Variants in NLGN1 observed in about 807,000 individuals in gnomAD.
The protein encoded by NLGN1 is neuroligin-1.
NLGN1 carries 12 observed loss-of-function variants against 65.5 expected under a neutral mutation model. The observed-to-expected ratio is 0.18, with a 90% CI of 0.12 to 0.30. NLGN1 has a LOEUF of 0.30. Among genes scored for constraint, NLGN1 ranks in the 10% least tolerant of loss-of-function variants. NLGN1 has a pLI of 1.00. For synonymous variants in NLGN1, 350 were observed against 359.5 expected, an observed-to-expected ratio of 0.97 and a Z score of 0.30; for missense variants, 750 against 1,007.1, an observed-to-expected ratio of 0.74 and a Z score of 3.46.
intron 4 of NLGN1, among the ~76,000 whole-genome samples, chr3:174,203,352 C>T (rs1436535369): frequency 1.3e-5 from 2 of 152,216 alleles, no homozygotes; most frequent in Non-Finnish European, 2.9e-5. Context: ...TATTCGTGCA[C>T]AGAGGAAGTA....
intron 4 of NLGN1, among the ~76,000 whole-genome samples, chr3:174,076,041 T>C (rs1221949448): frequency 6.6e-6 from 1 of 152,170 alleles, no homozygotes; most frequent in Non-Finnish European, 1.5e-5. Flanking sequence ...TAGCTCATAA[T>C]TGTAAAACCA....
chr3:174,081,400 G>A (rs960391343), intron 4 of NLGN1, among the ~76,000 whole-genome samples: 1 of 152,028 alleles, frequency 6.6e-6, no homozygotes, highest in African/African-American at 2.4e-5. Context: ...CGAAAATATG[G>A]TGTCTGCTGA....
intron 4 of NLGN1, among the ~76,000 whole-genome samples, chr3:174,183,182 C>A (rs544472992): frequency 6.6e-6 from 1 of 152,114 alleles, no homozygotes; most frequent in Non-Finnish European, 1.5e-5. Context: ...TACTAGGCAA[C>A]AGTGCATCCA....
At chr3:173,476,685 G>A (rs1013979666) in intron 2 of NLGN1, among the ~76,000 whole-genome samples, 40 of 152,278 alleles carry the variant, frequency 2.6e-4, no homozygotes, top group Middle Eastern at 3.4e-3. Context: ...AAGTGAAGTG[G>A]CAAGGTACGG....
chr3:173,715,981 A>G (rs1769788554), intron 3 of NLGN1, among the ~76,000 whole-genome samples: 1 of 152,172 alleles, frequency 6.6e-6, no homozygotes, highest in South Asian at 2.1e-4. Context: ...TGTATTTTAA[A>G]TTATTTGGAT....
At chr3:174,252,965 A>C (rs947357635) in intron 4 of NLGN1, among the ~76,000 whole-genome samples, 12 of 152,176 alleles carry the variant, frequency 7.9e-5, no homozygotes, top group African/African-American at 2.9e-4. Context: ...ATGTTGATTT[A>C]ATGAACTATT....
At chr3:173,523,863 A>C (rs552694752) in intron 2 of NLGN1, among the ~76,000 whole-genome samples, 1 of 150,616 alleles carries the variant, frequency 6.6e-6, no homozygotes, top group East Asian at 1.9e-4. Flanking sequence ...TCATTTTAAC[A>C]CTATTGATTC....
At chr3:174,165,736 A>C (rs1172238374) in intron 4 of NLGN1, among the ~76,000 whole-genome samples, 1 of 151,712 alleles carries the variant, frequency 6.6e-6, no homozygotes, top group Non-Finnish European at 1.5e-5. Flanking sequence ...AGGAGACTCT[A>C]CTCCTCAAGT....
chr3:174,106,657 T>C (rs1713881922), intron 4 of NLGN1, among the ~76,000 whole-genome samples: 1 of 151,754 alleles, frequency 6.6e-6, no homozygotes, highest in South Asian at 2.1e-4. Flanking sequence ...TATAGAGAGA[T>C]ATATAGGAGG....
chr3:173,566,809 A>T (rs2149316306), intron 2 of NLGN1, among the ~76,000 whole-genome samples: 1 of 152,316 alleles, frequency 6.6e-6, no homozygotes, highest in Middle Eastern at 3.4e-3. Flanking sequence ...AGCATTTGGT[A>T]GACTACCTTT....
intron 3 of NLGN1, among the ~76,000 whole-genome samples, chr3:173,752,817 C>T (rs776688412): frequency 2.6e-4 from 39 of 152,114 alleles, no homozygotes; most frequent in African/African-American, 8.4e-4. Flanking sequence ...ACTTCTCCCT[C>T]TCAAATCTTC....
At chr3:173,804,385 C>T (rs1171214929) in intron 3 of NLGN1, among the ~76,000 whole-genome samples, 1 of 151,992 alleles carries the variant, frequency 6.6e-6, no homozygotes, top group Non-Finnish European at 1.5e-5. Context: ...TCATAGTTCA[C>T]AAATTCCACT....
chr3:173,682,826 G>T (rs1764136747), intron 3 of NLGN1, among the ~76,000 whole-genome samples: 1 of 151,996 alleles, frequency 6.6e-6, no homozygotes, highest in African/African-American at 2.4e-5. Flanking sequence ...GTTACCTGAG[G>T]TGTCAATGAA....
chr3:173,573,288 A>G (rs1744944631), intron 2 of NLGN1, among the ~76,000 whole-genome samples: 2 of 152,158 alleles, frequency 1.3e-5, no homozygotes, highest in South Asian at 4.1e-4. Flanking sequence ...AAACTGGAAA[A>G]AAACCTGTAA....
chr3:173,486,845 ATAAAT>A lies in NLGN1; in HGVS notation c.-321+51771_-321+51775del, dbSNP rs377096830. On this transcript the variant is annotated intron_variant, in intron 2 of 6. Transcript: ENST00000457714. The stretch of plus-strand genomic sequence containing the variant: ...CTGTTCAAATAGAAGCTTCTTTCTA[ATAAAT>A]TAATATTATATTTAAAAATCTGAAC... Among the ~76,000 whole-genome samples, 728 of 152,040 alleles carry A rather than the reference ATAAAT, an allele frequency of 4.8e-3. 6 individuals are homozygous for A. The highest frequency in any genetic ancestry group is 0.017 in the African/African-American group (686 of 41,508).
intron 4 of NLGN1, among the ~76,000 whole-genome samples, chr3:174,115,364 T>C (rs1265595363): frequency 1.3e-5 from 2 of 152,162 alleles, no homozygotes; most frequent in South Asian, 4.1e-4. Context: ...ATTGTAAAAA[T>C]TGAAACATGG....
chr3:173,603,104 G>A (rs763056894), intron 2 of NLGN1, among the ~76,000 whole-genome samples: 2 of 152,082 alleles, frequency 1.3e-5, no homozygotes, highest in Non-Finnish European at 2.9e-5. Context: ...CACAAAGTCA[G>A]GGCAGTCTCA....
At chr3:173,722,241 C>CTTTTTTTTT (rs58327862) in intron 3 of NLGN1, among the ~76,000 whole-genome samples, 1 of 100,128 alleles carries the variant, frequency 1.0e-5, no homozygotes, top group Non-Finnish European at 1.9e-5. Flanking sequence ...TCTTCTTCTT[C>CTTTTTTTTT]TTTTTTTTTT....
chr3:173,864,877 G>C (rs1292880692), intron 4 of NLGN1, among the ~76,000 whole-genome samples: 1 of 152,186 alleles, frequency 6.6e-6, no homozygotes, highest in African/African-American at 2.4e-5. Context: ...GGAGGAGAGA[G>C]ATGGAAAACC....
Sources: allele counts gnomAD v4.1 joint callset (sites outside exome capture counted in the v4.1 genomes callset), GRCh38; gene constraint gnomAD v4.1.1; transcripts MANE v1.5; gene names NCBI Gene and HGNC (gene_info 2026-07-23, HGNC 2026-07-21).